FUT8: variants seen among roughly 807,000 people sequenced by gnomAD.
FUT8 encodes alpha-(1,6)-fucosyltransferase.
FUT8 carries 29 observed loss-of-function variants against 71.3 expected under a neutral mutation model. The observed-to-expected ratio is 0.41, with a 90% CI of 0.30 to 0.55. The LOEUF (loss-of-function observed/expected upper bound fraction) is 0.55, where lower values mean the gene tolerates loss of function less well. Among genes scored for constraint, FUT8 ranks in the 20% least tolerant of loss-of-function variants. The pLI is 0.34. For synonymous variants in FUT8, 254 were observed against 239.3 expected, an observed-to-expected ratio of 1.06 and a Z score of -0.57; for missense variants, 544 against 702.1, an observed-to-expected ratio of 0.77 and a Z score of 2.55.
chr14:65,624,905 A>G (rs1269394416), intron 5 of FUT8, among the ~76,000 whole-genome samples: 6 of 152,144 alleles, frequency 3.9e-5, no homozygotes, highest in African/African-American at 1.2e-4. Context: ...TCAATACTAT[A>G]AACAGAAAAA....
Position 65,468,389 on chromosome 14 carries a change from A to ATTTT in FUT8, c.-228+12687_-228+12690dup, listed in dbSNP as rs139616800. ...ATGGTGGTTCCGGCCGAAAGGTTGG[A>ATTTT]TTTTTTTTTTTTTTTTTTTAACACT... On this transcript the variant is annotated intron_variant, in intron 2 of 10. Coordinates refer to ENST00000673929, the MANE Select transcript of FUT8 (RefSeq NM_001371533.1). 137 of 314,762 alleles carry ATTTT rather than the reference A, an allele frequency of 4.4e-4. No homozygotes were observed. The East Asian group carries it at 4.4e-3, about 10-fold the overall frequency. The allele number at this position is 314,762 out of a possible 1,614,324, so 19.5% of individuals were successfully genotyped here.
chr14:65,395,618 C>G, the FUT8 span, among the ~76,000 whole-genome samples: 1 of 152,328 alleles, frequency 6.6e-6, no homozygotes, highest in East Asian at 1.9e-4. Context: ...ACACCAAGTT[C>G]CTAGGCTGCA....
chr14:65,390,316 C>T, the FUT8 span, among the ~76,000 whole-genome samples: 4 of 135,458 alleles, frequency 3.0e-5, no homozygotes, highest in South Asian at 2.4e-4. Context: ...AGCGAGACTT[C>T]GTCTCAAAAA....
At chr14:65,641,360 A>C (rs1327772343) in intron 6 of FUT8, among the ~76,000 whole-genome samples, 2 of 152,186 alleles carry the variant, frequency 1.3e-5, no homozygotes, top group Non-Finnish European at 1.5e-5. Flanking sequence ...GTTATTCTTA[A>C]TTACTGACTG....
chr14:65,426,182 C>G (rs1194502884), intron 1 of FUT8, among the ~76,000 whole-genome samples: 2 of 152,020 alleles, frequency 1.3e-5, no homozygotes, highest in East Asian at 1.9e-4. Context: ...TTTTTAGATT[C>G]CATATATAAG....
the FUT8 span, among the ~76,000 whole-genome samples, chr14:65,364,758 T>TG: frequency 1.3e-5 from 2 of 152,192 alleles, no homozygotes; most frequent in African/African-American, 4.8e-5. Flanking sequence ...CCTGAAATCT[T>TG]GCCAAGATAG....
chr14:65,409,995 A>G (rs1401219978), upstream of FUT8, among the ~76,000 whole-genome samples: 2 of 152,154 alleles, frequency 1.3e-5, no homozygotes, highest in Non-Finnish European at 2.9e-5. The surrounding 1 kb of genome is among the most constrained non-coding windows in gnomAD (Gnocchi z 5.4). Flanking sequence ...AGAGGCAAGC[A>G]GTTGGGAGAA....
chr14:65,640,837 TG>T (rs1473680274), intron 6 of FUT8, among the ~76,000 whole-genome samples: 1 of 152,160 alleles, frequency 6.6e-6, no homozygotes, highest in Non-Finnish European at 1.5e-5. Flanking sequence ...TAAATATTTT[TG>T]TATGAATAAA....
intron 2 of FUT8, among the ~76,000 whole-genome samples, chr14:65,560,389 A>G (rs1200833093): frequency 6.6e-6 from 1 of 152,164 alleles, no homozygotes; most frequent in Non-Finnish European, 1.5e-5. Context: ...CCATCTTGCC[A>G]GATTGGTCTC....
intron 2 of FUT8, among the ~76,000 whole-genome samples, chr14:65,556,569 C>G (rs984052183): frequency 6.6e-5 from 10 of 152,212 alleles, no homozygotes; most frequent in African/African-American, 2.4e-4. Context: ...GTAACCTTAT[C>G]TTGGAAATGA....
chr14:65,512,780 G>A (rs1882440168), intron 2 of FUT8, among the ~76,000 whole-genome samples: 1 of 151,692 alleles, frequency 6.6e-6, no homozygotes, highest in African/African-American at 2.4e-5. Context: ...ATGGTGGCGG[G>A]CGCCTGTAAT....
At chr14:65,372,651 G>A in the FUT8 span, among the ~76,000 whole-genome samples, 1 of 151,968 alleles carries the variant, frequency 6.6e-6, no homozygotes. Flanking sequence ...TCCTGAGCTG[G>A]GGCAATCCGC....
At chr14:65,709,579 T>G (rs901999046) in intron 7 of FUT8, among the ~76,000 whole-genome samples, 3 of 152,188 alleles carry the variant, frequency 2.0e-5, no homozygotes, top group Non-Finnish European at 4.4e-5. Context: ...ACTGTGAATT[T>G]TATACTCCTC....
chr14:65,597,048 C>A (rs748739244), intron 3 of FUT8, among the ~76,000 whole-genome samples: 1 of 152,152 alleles, frequency 6.6e-6, no homozygotes, highest in Non-Finnish European at 1.5e-5. Flanking sequence ...TGAGCCCCTA[C>A]TGTTTTGGAA....
chr14:65,660,934 C>G lies in FUT8; in HGVS notation c.598-8309C>G, dbSNP rs758115751. Among the ~76,000 whole-genome samples the G allele has an allele frequency of 6.6e-5, 10 of 152,172 alleles. No homozygotes were observed. The highest frequency in any genetic ancestry group is 1.2e-4 in the Non-Finnish European group (8 of 68,030). ...AATATAATGAAATGCTTTCACTACACTATTAATGAATTCGTTCTTCATTAC... is the reference window on the plus strand; with the variant it reads ...AATATAATGAAATGCTTTCACTACAGTATTAATGAATTCGTTCTTCATTAC... On this transcript the variant is annotated intron_variant, in intron 6 of 10. Transcript: ENST00000673929. The surrounding 1 kb of genome is among the most constrained non-coding windows in gnomAD (Gnocchi z 4.1).
chr14:65,600,564 T>A (rs1888240258), intron 3 of FUT8, among the ~76,000 whole-genome samples: 1 of 152,148 alleles, frequency 6.6e-6, no homozygotes, highest in South Asian at 2.1e-4. Context: ...TGATGATGTC[T>A]CCATGGGATG....
In FUT8 at chr14:65,677,162, ATG is replaced by A. The variant is rs1491369288; in HGVS notation, c.835+7683_835+7684del. 7.7e-4 allele frequency among the ~76,000 whole-genome samples: 21 copies of A among 27,228 alleles called. No individual in the cohort carries two copies. In the Middle Eastern group the frequency reaches 0.042, roughly 54 times the overall value. The allele number at this position is 27,228 out of a possible 152,430, so 17.9% of individuals were successfully genotyped here. ...TGTGTGTGTGTGTGTGCGCGCGCGCATGCGCGCGCACGTATGTGTGTGCGCAT... is the reference window on the plus strand; with the variant it reads ...TGTGTGTGTGTGTGTGCGCGCGCGCACGCGCGCACGTATGTGTGTGCGCAT... On this transcript the variant is annotated intron_variant, in intron 7 of 10. Coordinates refer to ENST00000673929, the MANE Select transcript of FUT8 (RefSeq NM_001371533.1).
intron 3 of FUT8, among the ~76,000 whole-genome samples, chr14:65,585,476 T>G (rs1033252809): frequency 6.6e-6 from 1 of 152,166 alleles, no homozygotes; most frequent in Non-Finnish European, 1.5e-5. Flanking sequence ...TGTGAGTCAC[T>G]GCACCCAGCT....
rs945193409 is a variant in FUT8 at position 65,694,492 on chromosome 14, A to G, written c.835+25012A>G. On this transcript the variant is annotated intron_variant, in intron 7 of 10. Coordinates refer to ENST00000673929, the MANE Select transcript of FUT8 (RefSeq NM_001371533.1). Reference sequence around the variant, plus strand: ...ATTGTGGTTTGAGAGCATACTTTGTATGATATCTGTTCTTTTAAATTTATA... The same window carrying G: ...ATTGTGGTTTGAGAGCATACTTTGTGTGATATCTGTTCTTTTAAATTTATA... 4.8e-4 allele frequency among the ~76,000 whole-genome samples: 73 copies of G among 152,122 alleles called. 1 individual carries two copies. Among genetic ancestry groups the G allele is most frequent in the Non-Finnish European group, 1.5e-4 (10 of 68,020 alleles).
Sources: allele counts gnomAD v4.1 joint callset (sites outside exome capture counted in the v4.1 genomes callset), GRCh38; gene constraint gnomAD v4.1.1; non-coding constraint Gnocchi (gnomAD v3.1); transcripts MANE v1.5; gene names NCBI Gene and HGNC (gene_info 2026-07-23, HGNC 2026-07-21).